Variants in GNB1L observed in about 807,000 individuals in gnomAD.
GNB1L encodes the protein G protein subunit beta 1 like.
In GNB1L, 20 loss-of-function variants were observed where a neutral mutation model predicts 29.1. The ratio of observed to expected loss-of-function variants is 0.69; its 90% confidence interval spans 0.48 to 1.00. The LOEUF is 1.00. GNB1L is among the 50% of genes least tolerant of loss of function. The pLI is 0.00. For synonymous variants in GNB1L, 193 were observed against 206.5 expected, an observed-to-expected ratio of 0.93 and a Z score of 0.56; for missense variants, 421 against 464.9, an observed-to-expected ratio of 0.91 and a Z score of 0.87.
At chr22:19,850,579 C>T in intron 2 of GNB1L, 1 of 1,161,976 alleles carries the variant, frequency 8.6e-7, no homozygotes, top group Non-Finnish European at 1.1e-6. Flanking sequence ...GCTGGTAATC[C>T]CACAGGAAAC....
At chr22:19,836,021 T>C (rs1320356382) in intron 2 of GNB1L, among the ~76,000 whole-genome samples, 1 of 151,992 alleles carries the variant, frequency 6.6e-6, no homozygotes. Context: ...GAGGACAAAG[T>C]AAGCCCAAAA....
chr22:19,783,416 A>C lies in GNB1L; in HGVS notation c.*5293T>G, dbSNP rs577173209. On this transcript the variant is annotated 3_prime_UTR_variant, in exon 8 of 8. Transcript: ENST00000329517. ...ACCTGCACAGCTGGATGGTGGAAGC[A>C]GTTCACTTAAAGGCCATGAGTTACT... 1 of 325,798 alleles carries C rather than the reference A, an allele frequency of 3.1e-6. No individual in the cohort carries two copies. Among genetic ancestry groups the C allele is most frequent in the South Asian group, 2.6e-5 (1 of 38,544 alleles). The allele number at this position is 325,798 out of a possible 1,614,324, so 20.2% of individuals were successfully genotyped here.
At chr22:19,803,841 C>T (rs1263003591) in intron 6 of GNB1L, among the ~76,000 whole-genome samples, 3 of 152,236 alleles carry the variant, frequency 2.0e-5, no homozygotes, top group Non-Finnish European at 4.4e-5. Flanking sequence ...TCTGTGGTGG[C>T]ACCTGTTCCC....
At chr22:19,806,840 G>C (rs1288140767) in intron 5 of GNB1L, 83 bp from the exon 6 acceptor site, 1 of 1,022,108 alleles carries the variant, frequency 9.8e-7, no homozygotes, top group East Asian at 2.6e-5. Flanking sequence ...AAGGCGATTA[G>C]CCCGGGCTGC....
intron 3 of GNB1L, 106 bp from the exon 4 acceptor site, chr22:19,820,829 T>A (rs1343706779): frequency 5.1e-6 from 7 of 1,367,134 alleles, no homozygotes; most frequent in Non-Finnish European, 7.0e-6. Context: ...CTAGGCTGGT[T>A]GAGCTGAAAA....
At chr22:19,847,322 T>C (rs1937983562) in intron 2 of GNB1L, 1 of 985,324 alleles carries the variant, frequency 1.0e-6, no homozygotes, top group Non-Finnish European at 1.2e-6. Context: ...TCATGCTGAC[T>C]GATCCTGCAG....
intron 2 of GNB1L, chr22:19,850,918 C>A: frequency 7.3e-7 from 1 of 1,364,578 alleles, no homozygotes; most frequent in South Asian, 2.1e-5. Context: ...ACGGCACTCC[C>A]AGAAGACGGG....
At chr22:19,842,874 T>C (rs979466100) in intron 2 of GNB1L, among the ~76,000 whole-genome samples, 2 of 152,236 alleles carry the variant, frequency 1.3e-5, no homozygotes. Context: ...GCCCTGGCCA[T>C]GGCCCCCACC....
intron 6 of GNB1L, among the ~76,000 whole-genome samples, chr22:19,806,343 C>T (rs185737299): frequency 6.6e-6 from 1 of 152,256 alleles, no homozygotes; most frequent in Admixed American, 6.5e-5. Flanking sequence ...TGGCAGACCC[C>T]ACTGTCCCCT....
chr22:19,790,683 A>G (rs981256461), intron 7 of GNB1L, among the ~76,000 whole-genome samples: 5 of 152,004 alleles, frequency 3.3e-5, no homozygotes, highest in African/African-American at 9.7e-5. Context: ...TCTTTAAAAA[A>G]CATTACAGAT....
chr22:19,839,852 C>A (rs544711277), intron 2 of GNB1L, among the ~76,000 whole-genome samples: 2 of 151,912 alleles, frequency 1.3e-5, no homozygotes, highest in Admixed American at 6.6e-5. Context: ...TGCACTCCAG[C>A]CTGGGCAACA....
chr22:19,851,197 T>TG, intron 2 of GNB1L: 1 of 1,592,270 alleles, frequency 6.3e-7, no homozygotes, highest in South Asian at 1.1e-5. Flanking sequence ...GTGGCTCTCC[T>TG]GGGGTCTCCG....
At chr22:19,813,502 A>G (rs1937514295) in intron 4 of GNB1L, among the ~76,000 whole-genome samples, 1 of 152,158 alleles carries the variant, frequency 6.6e-6, no homozygotes, top group African/African-American at 2.4e-5. Context: ...CCTGGCCAAC[A>G]TGGTGAAACC....
At chr22:19,823,860 C>T (rs779557294) in intron 2 of GNB1L, among the ~76,000 whole-genome samples, 12 of 152,218 alleles carry the variant, frequency 7.9e-5, no homozygotes, top group Non-Finnish European at 1.3e-4. Context: ...CATACACACA[C>T]GCAGACTCAG....
At chr22:19,821,591 G>A (rs1937579733) in intron 2 of GNB1L, among the ~76,000 whole-genome samples, 1 of 152,202 alleles carries the variant, frequency 6.6e-6, no homozygotes, top group Admixed American at 6.5e-5. Context: ...GCCCAGCAGA[G>A]AGCACAGAGC....
intron 2 of GNB1L, among the ~76,000 whole-genome samples, chr22:19,821,835 C>G (rs998167081): frequency 1.3e-5 from 2 of 152,244 alleles, no homozygotes; most frequent in Non-Finnish European, 2.9e-5. Context: ...CACACCAGTG[C>G]TTTCCCACTC....
intron 7 of GNB1L, chr22:19,793,038 C>A: frequency 1.9e-6 from 3 of 1,594,950 alleles, no homozygotes; most frequent in African/African-American, 2.7e-5. Flanking sequence ...GTCTGTGGCT[C>A]GTATCGCCAA....
At chr22:19,827,646 T>TA (rs1455912810) in intron 2 of GNB1L, among the ~76,000 whole-genome samples, 1 of 152,196 alleles carries the variant, frequency 6.6e-6, no homozygotes, top group African/African-American at 2.4e-5. Flanking sequence ...TACAATGTGA[T>TA]ATAATTACAC....
At chr22:19,810,167 G>T (rs5993839) in intron 5 of GNB1L, among the ~76,000 whole-genome samples, 2,061 of 152,338 alleles carry the variant, frequency 0.014, 53 homozygotes, top group African/African-American at 0.047. Context: ...TAAGCCAGGG[G>T]CAGGAGGAGC....
Sources: allele counts gnomAD v4.1 joint callset (sites outside exome capture counted in the v4.1 genomes callset), GRCh38; gene constraint gnomAD v4.1.1; transcripts MANE v1.5; gene names NCBI Gene and HGNC (gene_info 2026-07-23, HGNC 2026-07-21).